The following KCNH7 variants were observed in gnomAD, a reference collection of about 807,000 sequenced individuals.
KCNH7 encodes the protein voltage-gated inwardly rectifying potassium channel KCNH7.
Under a neutral mutation model 120.8 loss-of-function variants are expected in KCNH7, and 49 were observed. The observed-to-expected ratio is 0.41, with a 90% CI of 0.32 to 0.51. The LOEUF (loss-of-function observed/expected upper bound fraction) is 0.51. Among genes scored for constraint, KCNH7 ranks in the 20% least tolerant of loss-of-function variants. The pLI is 0.38. For missense variants in KCNH7, 1,097 were observed against 1,446.6 expected, an observed-to-expected ratio of 0.76 and a Z score of 3.92; for synonymous variants, 547 against 516.1, an observed-to-expected ratio of 1.06 and a Z score of -0.81.
At chr2:162,833,827 C>T (rs139978920) in intron 2 of KCNH7, among the ~76,000 whole-genome samples, 8 of 152,124 alleles carry the variant, frequency 5.3e-5, no homozygotes, top group African/African-American at 1.2e-4. Context: ...AATAATGCCT[C>T]GGTCGTATTT....
chr2:162,726,495 C>T (rs1687524961), intron 2 of KCNH7, among the ~76,000 whole-genome samples: 1 of 152,206 alleles, frequency 6.6e-6, no homozygotes. Flanking sequence ...TCTCGGCTCA[C>T]TGTAACCCCC....
chr2:162,712,803 T>C (rs556072755), intron 2 of KCNH7, among the ~76,000 whole-genome samples: 10 of 152,316 alleles, frequency 6.6e-5, no homozygotes, highest in African/African-American at 2.2e-4. Flanking sequence ...TCCAAGCCAC[T>C]TGTCAGAGCA....
intron 2 of KCNH7, among the ~76,000 whole-genome samples, chr2:162,635,997 C>T (rs1451223212): frequency 6.6e-6 from 1 of 152,054 alleles, no homozygotes; most frequent in African/African-American, 2.4e-5. Flanking sequence ...CTCACTTTAC[C>T]TCTCTTGGAA....
chr2:162,660,229 C>T (rs1391670588), intron 2 of KCNH7, among the ~76,000 whole-genome samples: 1 of 152,006 alleles, frequency 6.6e-6, no homozygotes, highest in Non-Finnish European at 1.5e-5. Context: ...ATTGATTTTA[C>T]TTATTTCTTC....
At chr2:162,747,854 G>A (rs1688367855) in intron 2 of KCNH7, among the ~76,000 whole-genome samples, 1 of 152,128 alleles carries the variant, frequency 6.6e-6, no homozygotes. Context: ...ACTACTTAAA[G>A]TACTTTCTAC....
intron 9 of KCNH7, among the ~76,000 whole-genome samples, chr2:162,413,205 C>G (rs769628857): frequency 6.6e-6 from 1 of 152,020 alleles, no homozygotes; most frequent in Non-Finnish European, 1.5e-5. Context: ...TTTGGCTCAC[C>G]TTAACCTCCA....
chr2:162,728,209 T>C (rs1456639314), intron 2 of KCNH7, among the ~76,000 whole-genome samples: 1 of 151,850 alleles, frequency 6.6e-6, no homozygotes, highest in African/African-American at 2.4e-5. Context: ...ACGTAAGTAG[T>C]GGTTTATCAC....
At position 162,400,267 on chromosome 2, in the gene KCNH7, C is replaced by G; in HGVS notation, c.2329G>C (p.Asp777His). Residue 777 changes from aspartate to histidine, a missense_variant, in exon 10 of 16, where the codon GAT becomes CAT. By Grantham distance (81) the Asp-to-His change is moderately conservative (BLOSUM62 -1). This residue lies in a region of KCNH7 where 101 missense variants were observed against 176.3 expected (regional missense o/e 0.57). Coordinates refer to ENST00000332142, the MANE Select transcript of KCNH7 (RefSeq NM_033272.4). ...PPGDTLVHCG[D>H]VLTALYFLSR... ...AAGAAATAAAGTGCAGTGAGGACATCCCCACAGTGAACGAGGGTGTCTCCT... is the reference window on the plus strand; with the variant it reads ...AAGAAATAAAGTGCAGTGAGGACATGCCCACAGTGAACGAGGGTGTCTCCT... The G allele has an allele frequency of 6.2e-7, 1 of 1,612,366 alleles. No individual in the cohort carries two copies. The highest frequency in any genetic ancestry group is 8.5e-7 in the Non-Finnish European group (1 of 1,178,968).
intron 9 of KCNH7, among the ~76,000 whole-genome samples, chr2:162,413,560 T>C (rs748840890): frequency 1.3e-5 from 2 of 152,172 alleles, no homozygotes; most frequent in Non-Finnish European, 2.9e-5. Flanking sequence ...AATGGCTTAT[T>C]TAATAAATTC....
intron 2 of KCNH7, among the ~76,000 whole-genome samples, chr2:162,713,553 T>G (rs543467206): frequency 1.3e-5 from 2 of 152,272 alleles, no homozygotes; most frequent in East Asian, 3.9e-4. Flanking sequence ...TAACTGAAAG[T>G]AGTTCAAAAC....
At chr2:162,406,568 A>G (rs1687230910) in intron 9 of KCNH7, among the ~76,000 whole-genome samples, 1 of 152,084 alleles carries the variant, frequency 6.6e-6, no homozygotes, top group Non-Finnish European at 1.5e-5. Flanking sequence ...ATCTTGACAA[A>G]TTAGGATTAA....
intron 9 of KCNH7, among the ~76,000 whole-genome samples, chr2:162,413,175 G>C (rs981238066): frequency 6.6e-6 from 1 of 151,774 alleles, no homozygotes; most frequent in Non-Finnish European, 1.5e-5. Context: ...TGTCCCCCAG[G>C]GTGGAGTGCA....
chr2:162,630,321 C>A (rs182103356), intron 2 of KCNH7, among the ~76,000 whole-genome samples: 1 of 151,814 alleles, frequency 6.6e-6, no homozygotes, highest in Admixed American at 6.6e-5. Context: ...GGGAATTACA[C>A]CCATTGTTAT....
At chr2:162,443,326 A>T (rs557505694) in intron 7 of KCNH7, among the ~76,000 whole-genome samples, 14 of 152,190 alleles carry the variant, frequency 9.2e-5, no homozygotes, top group Non-Finnish European at 1.9e-4. Flanking sequence ...AATAACCAAT[A>T]GTCATCACAA....
chr2:162,631,882 T>C lies in KCNH7; in HGVS notation c.308-94802A>G, dbSNP rs542963029. Among the ~76,000 whole-genome samples the C allele has an allele frequency of 2.2e-3, 342 of 152,072 alleles. 1 individual carries two copies. The highest frequency in any genetic ancestry group is 3.9e-3 in the Non-Finnish European group (262 of 67,916). ...AATTCTGTTTTAAAGTGTTATGAAT[T>C]AACTCCAAAAATTTAATGAAGATTA... On this transcript the variant is annotated intron_variant, in intron 2 of 15. Transcript: ENST00000332142.
chr2:162,534,114 A>C (rs1048212493), intron 3 of KCNH7, among the ~76,000 whole-genome samples: 2 of 151,514 alleles, frequency 1.3e-5, no homozygotes, highest in African/African-American at 4.8e-5. Flanking sequence ...ATTTTCTAGG[A>C]AAAATAATAT....
rs1217886263 is a variant in KCNH7, at chr2:162,373,528, C to G, written c.3266G>C (p.Arg1089Thr). The G allele has an allele frequency of 1.3e-6, 2 of 1,587,498 alleles. No homozygotes were observed. The highest frequency in any genetic ancestry group is 2.7e-5 in the African/African-American group (2 of 73,462). ...GATGGATGCTTCCGGTTGACTGGTTCTCATCAGCTGGATGATGGGTCTCTG... is the reference window on the plus strand; with the variant it reads ...GATGGATGCTTCCGGTTGACTGGTTGTCATCAGCTGGATGATGGGTCTCTG... Reference protein sequence around the residue: ...EYQRPIIQLMRTSQPEASIKT... With the variant: ...EYQRPIIQLMTTSQPEASIKT... The change falls in exon 15 of 16, where the codon AGA becomes ACA. Residue 1089 changes from arginine to threonine, a missense_variant. Arg to Thr is a moderately conservative substitution (Grantham distance 71, BLOSUM62 -1). Coordinates refer to ENST00000332142, the MANE Select transcript of KCNH7 (RefSeq NM_033272.4).
chr2:162,809,382 T>A (rs1020683105), intron 2 of KCNH7, among the ~76,000 whole-genome samples: 1 of 152,196 alleles, frequency 6.6e-6, no homozygotes, highest in Non-Finnish European at 1.5e-5. Flanking sequence ...AGATGCCATT[T>A]TTTAACTTGC....
intron 2 of KCNH7, among the ~76,000 whole-genome samples, chr2:162,816,960 G>A (rs1684936120): frequency 6.6e-6 from 1 of 152,008 alleles, no homozygotes; most frequent in Admixed American, 6.6e-5. Flanking sequence ...TAAAAGCCCA[G>A]AATTTCAAGA....
Sources: gnomAD v4.1 joint callset for allele counts (sites outside exome capture counted in the v4.1 genomes callset) on GRCh38, gnomAD v4.1.1 for gene constraint, gnomAD v4.1.1 regional missense constraint, MANE v1.5 for transcripts, NCBI Gene and HGNC (gene_info 2026-07-23, HGNC 2026-07-21) for gene names.